SLCO2B1: variants seen among roughly 807,000 people sequenced by gnomAD.
SLCO2B1 encodes the protein solute carrier organic anion transporter family member 2B1.
SLCO2B1 carries 41 observed loss-of-function variants against 67.3 expected under a neutral mutation model. The ratio of observed to expected loss-of-function variants is 0.61; its 90% CI spans 0.47 to 0.79. The LOEUF (loss-of-function observed/expected upper bound fraction) is 0.79, where lower values mean the gene tolerates loss of function less well. SLCO2B1 is among the 30% of genes least tolerant of loss of function. The probability of loss-of-function intolerance (pLI) is 0.00; values close to 1 mark genes in which losing one functional copy is unlikely to be tolerated. For missense variants in SLCO2B1, 837 were observed against 920.1 expected (o/e 0.91, Z 1.17); for synonymous variants, 379 against 381.4 (o/e 0.99, Z 0.07).
rs149106896 is a variant in SLCO2B1 at position 75,190,856 on chromosome 11, G to A, written c.1076-2362G>A. Among the ~76,000 whole-genome samples, 252 of 152,316 alleles carry A rather than the reference G, an allele frequency of 1.7e-3. 1 individual carries two copies. The highest frequency in any genetic ancestry group is 5.7e-3 in the African/African-American group (236 of 41,566). On this transcript the variant is annotated intron_variant, in intron 8 of 13. Transcript: ENST00000289575. The stretch of plus-strand genomic sequence containing the variant: ...GGGAGGCCCTGGCTTGTCTGATGGG[G>A]GAGACACTGTGCTGTGCTAAGGGAA...
chr11:75,188,088 G>T, intron 7 of SLCO2B1, 48 bp from the exon 8 acceptor site: 2 of 1,353,482 alleles, frequency 1.5e-6, no homozygotes, highest in East Asian at 4.7e-5. Flanking sequence ...ACTCTGAGTG[G>T]GGTTGCTGGC....
At chr11:75,156,595 G>A (rs1451510846) in intron 1 of SLCO2B1, among the ~76,000 whole-genome samples, 1 of 152,132 alleles carries the variant, frequency 6.6e-6, no homozygotes, top group Non-Finnish European at 1.5e-5. Flanking sequence ...CCAGAAAGGG[G>A]TCTGGATCCA....
chr11:75,204,513 G>C lies in SLCO2B1; in HGVS notation c.2063G>C (p.Ser688Thr), dbSNP rs771653294. ...KEARTKESRS[S>T]PAVEQQLLVS... ...GCAAGGACCAAAGAGAGCAGATCCAGCCCTGCCGTAGAGCAGCAATTGCTA... is the reference window on the plus strand; with the variant it reads ...GCAAGGACCAAAGAGAGCAGATCCACCCCTGCCGTAGAGCAGCAATTGCTA... The change falls in exon 14 of 14, where the codon AGC becomes ACC. Residue 688 changes from serine to threonine, a missense_variant. Ser to Thr is a moderately conservative substitution (Grantham distance 58). Transcript: ENST00000289575. 6.2e-7 allele frequency: 1 copy of C among 1,613,474 alleles called. No individual in the cohort carries two copies.
chr11:75,181,720 C>T (rs1427384086), intron 7 of SLCO2B1, among the ~76,000 whole-genome samples: 5 of 152,206 alleles, frequency 3.3e-5, no homozygotes, highest in Admixed American at 6.5e-5. Context: ...ACATGGTGTC[C>T]GGCAGGCTTG....
chr11:75,168,634 C>T (rs536728411), intron 4 of SLCO2B1, among the ~76,000 whole-genome samples: 23 of 152,302 alleles, frequency 1.5e-4, no homozygotes, highest in African/African-American at 5.5e-4. Context: ...CCCCAGCTGC[C>T]CCACCCTGTT....
At chr11:75,189,328 T>C (rs774382536) in intron 8 of SLCO2B1, among the ~76,000 whole-genome samples, 7 of 152,180 alleles carry the variant, frequency 4.6e-5, no homozygotes, top group Non-Finnish European at 8.8e-5. Context: ...AAGAAGTTAG[T>C]TTCCTTTTCT....
chr11:75,167,641 C>T (rs1241646726), intron 4 of SLCO2B1, among the ~76,000 whole-genome samples: 2 of 152,144 alleles, frequency 1.3e-5, no homozygotes, highest in East Asian at 3.9e-4. Context: ...CAGACATGAC[C>T]TCTCTAATAA....
At chr11:75,159,767 C>A in intron 1 of SLCO2B1, 2 of 845,072 alleles carry the variant, frequency 2.4e-6, no homozygotes, top group Non-Finnish European at 2.9e-6. Context: ...AGGCTGTGGA[C>A]TTTGCCCTCC....
intron 7 of SLCO2B1, among the ~76,000 whole-genome samples, chr11:75,185,451 C>T (rs973698938): frequency 5.3e-5 from 8 of 151,932 alleles, no homozygotes; most frequent in South Asian, 2.1e-4. Context: ...GAGCTCGCTT[C>T]CTCCCAGGGT....
At chr11:75,189,887 G>A (rs1944992589) in intron 8 of SLCO2B1, among the ~76,000 whole-genome samples, 1 of 151,942 alleles carries the variant, frequency 6.6e-6, no homozygotes, top group African/African-American at 2.4e-5. Flanking sequence ...GCTTGAACCT[G>A]GGAGTTTGAG....
Position 75,172,420 on chromosome 11 carries a change from G to A in SLCO2B1, c.823G>A (p.Ala275Thr). 10 of 1,614,166 alleles carry A rather than the reference G, an allele frequency of 6.2e-6. No homozygotes were observed. Among genetic ancestry groups the A allele is most frequent in the Non-Finnish European group, 8.5e-6 (10 of 1,179,996 alleles). ...LTIKDPRWVG[A>T]WWLGFLIAAG... ...CATAAAGGACCCCCGATGGGTGGGT[G>A]CCTGGTGGCTGGGTTTCCTCATCGC... is the stretch of plus-strand genomic sequence containing the variant. The change falls in exon 7 of 14, where the codon GCC becomes ACC. Residue 275 changes from alanine (A) to threonine (T), a missense_variant. By Grantham distance (58) the Ala-to-Thr change is moderately conservative. Transcript: ENST00000289575.
intron 7 of SLCO2B1, among the ~76,000 whole-genome samples, chr11:75,180,213 C>T (rs759451375): frequency 3.9e-5 from 6 of 151,990 alleles, no homozygotes; most frequent in South Asian, 2.1e-4. Flanking sequence ...GACGGGGTTT[C>T]GCCATGTTGG....
chr11:75,196,684 G>A lies in SLCO2B1; in HGVS notation c.1599+5G>A. 4 of 1,612,098 alleles carry A rather than the reference G, an allele frequency of 2.5e-6. No individual in the cohort carries two copies. The highest frequency in any genetic ancestry group is 3.4e-6 in the Non-Finnish European group (4 of 1,179,082). ...GATGCTCTGGACAACAGCCAGGTGA[G>A]TCAGGCCTCTCGTGGCAACCTCTGC... is the stretch of plus-strand genomic sequence containing the variant. On this transcript the variant is annotated splice_donor_5th_base_variant and intron_variant, in intron 10 of 13. Coordinates refer to ENST00000289575, the MANE Select transcript of SLCO2B1 (RefSeq NM_007256.5).
chr11:75,191,801 G>C (rs890711338), intron 8 of SLCO2B1, among the ~76,000 whole-genome samples: 17 of 152,230 alleles, frequency 1.1e-4, no homozygotes, highest in African/African-American at 4.1e-4. Flanking sequence ...TTAGTGGAGA[G>C]AGGATTTCAT....
At chr11:75,157,771 G>A (rs911240572) in intron 1 of SLCO2B1, among the ~76,000 whole-genome samples, 12 of 152,100 alleles carry the variant, frequency 7.9e-5, no homozygotes, top group Non-Finnish European at 1.5e-5. Flanking sequence ...CAGCTTAACA[G>A]GAGAAAAGCA....
chr11:75,156,694 G>A (rs1949751199), intron 1 of SLCO2B1, among the ~76,000 whole-genome samples: 1 of 152,188 alleles, frequency 6.6e-6, no homozygotes, highest in Non-Finnish European at 1.5e-5. Context: ...GAAAGTAAAG[G>A]AATAAAAGAA....
At chr11:75,183,774 T>C (rs1004981011) in intron 7 of SLCO2B1, among the ~76,000 whole-genome samples, 2 of 152,226 alleles carry the variant, frequency 1.3e-5, no homozygotes, top group Non-Finnish European at 2.9e-5. Context: ...TCCTGCTGCC[T>C]TGGCCTCCCA....
chr11:75,170,752 CAG>C (rs1161566729), intron 6 of SLCO2B1, among the ~76,000 whole-genome samples: 1 of 152,184 alleles, frequency 6.6e-6, no homozygotes, highest in East Asian at 1.9e-4. Flanking sequence ...AGGCTGGGTC[CAG>C]AGTGTGGGCT....
chr11:75,193,067 C>G lies in SLCO2B1; in HGVS notation c.1076-151C>G. 1 of 626,988 alleles carries G rather than the reference C, an allele frequency of 1.6e-6. No homozygotes were observed. Among genetic ancestry groups the G allele is most frequent in the Non-Finnish European group, 2.8e-6 (1 of 361,458 alleles). The allele number at this position is 626,988 out of a possible 1,614,324, so 38.8% of individuals were successfully genotyped here. A position where few individuals can be genotyped will look rare whatever the true frequency, so the allele number is the denominator to read the frequency against. ...GGGACTAGAGTAAATGGAATGGAGT[C>G]AAGTGGGATAAAATTGATTGCAATA... On this transcript the variant is annotated intron_variant, in intron 8 of 13. Coordinates refer to ENST00000289575, the MANE Select transcript of SLCO2B1 (RefSeq NM_007256.5). This position sits in a 1 kb window ranked among gnomAD's most constrained non-coding sequence, Gnocchi z 4.2.
Sources: allele counts gnomAD v4.1 joint callset (sites outside exome capture counted in the v4.1 genomes callset), GRCh38; gene constraint gnomAD v4.1.1; non-coding constraint Gnocchi (gnomAD v3.1); transcripts MANE v1.5; gene names NCBI Gene and HGNC (gene_info 2026-07-23, HGNC 2026-07-21).